PARVB: variants seen among roughly 807,000 people sequenced by gnomAD.
PARVB encodes the protein beta-parvin.
In PARVB, 46 loss-of-function variants were observed where a neutral mutation model predicts 47.0. The observed-to-expected ratio is 0.98, with a 90% CI of 0.77 to 1.25. The LOEUF is 1.25. Ranked by LOEUF, PARVB falls within the 50% of genes most tolerant of loss-of-function variation. The pLI, the probability that PARVB is intolerant of heterozygous loss-of-function variation, is 0.00. For synonymous variants in PARVB, 196 were observed against 196.3 expected (o/e 1.00, Z 0.01); for missense variants, 473 against 471.6 (o/e 1.00, Z -0.03).
At chr22:44,117,293 G>T (rs1033391638) in intron 3 of PARVB, among the ~76,000 whole-genome samples, 1 of 152,040 alleles carries the variant, frequency 6.6e-6, no homozygotes, top group Admixed American at 6.5e-5. Flanking sequence ...ATCATGTAAG[G>T]GTCAGGGGAG....
At chr22:44,108,725 G>A (rs1379629966) in intron 3 of PARVB, 1 of 152,170 alleles carries the variant, frequency 6.6e-6, no homozygotes, top group African/African-American at 2.4e-5. Flanking sequence ...CCTTCTTAAG[G>A]GTGGGGGAGA....
intron 8 of PARVB, chr22:44,141,651 A>G (rs1043172093): frequency 1.3e-5 from 2 of 152,278 alleles, no homozygotes; most frequent in African/African-American, 4.8e-5. Flanking sequence ...TCAAGCTGAC[A>G]GTATTAACCA....
chr22:44,032,978 G>T (rs1038100659), intron 1 of PARVB, among the ~76,000 whole-genome samples: 1 of 152,222 alleles, frequency 6.6e-6, no homozygotes, highest in Admixed American at 6.5e-5. Flanking sequence ...CCGTGCAACA[G>T]CTAGTTGGCT....
chr22:44,114,829 C>T (rs71330727), intron 3 of PARVB: 1 of 136,520 alleles, frequency 7.3e-6, no homozygotes, highest in Non-Finnish European at 1.5e-5. Context: ...TTGTTACTAA[C>T]TAAGGCCCTG....
chr22:44,094,678 A>G (rs192760072), intron 2 of PARVB, among the ~76,000 whole-genome samples: 3 of 151,532 alleles, frequency 2.0e-5, no homozygotes, highest in Admixed American at 6.6e-5. Context: ...ATTTGTAGAG[A>G]TGGGGTCTTG....
At chr22:44,163,254 G>A (rs971996739) in intron 11 of PARVB, among the ~76,000 whole-genome samples, 1 of 152,170 alleles carries the variant, frequency 6.6e-6, no homozygotes, top group African/African-American at 2.4e-5. Context: ...TGGATCATTT[G>A]AGCCCAAGAG....
intron 3 of PARVB, among the ~76,000 whole-genome samples, chr22:44,117,884 G>T (rs912308754): frequency 2.0e-5 from 3 of 152,160 alleles, no homozygotes; most frequent in African/African-American, 7.2e-5. Context: ...CATTGATTGA[G>T]TCCATTTTAT....
intron 11 of PARVB, among the ~76,000 whole-genome samples, chr22:44,160,475 C>T (rs1056965309): frequency 3.3e-5 from 5 of 152,172 alleles, no homozygotes; most frequent in Non-Finnish European, 7.3e-5. Flanking sequence ...GTGGCTGGCT[C>T]GAAGCAGGTG....
chr22:44,073,513 A>C (rs2051700080), intron 1 of PARVB, among the ~76,000 whole-genome samples: 1 of 152,208 alleles, frequency 6.6e-6, no homozygotes, highest in Admixed American at 6.5e-5. Context: ...AAGTGAATGA[A>C]TACGACCATA....
At chr22:44,039,053 A>G (rs1035977219) in intron 1 of PARVB, among the ~76,000 whole-genome samples, 3 of 152,184 alleles carry the variant, frequency 2.0e-5, no homozygotes, top group African/African-American at 7.2e-5. Flanking sequence ...GCACATGAGA[A>G]GAACAGGGAA....
intron 2 of PARVB, among the ~76,000 whole-genome samples, chr22:44,099,384 C>T (rs969056637): frequency 2.6e-5 from 4 of 152,212 alleles, no homozygotes; most frequent in Non-Finnish European, 5.9e-5. Context: ...ACTGTCTCCA[C>T]GGCACTGTCC....
Position 44,049,709 on chromosome 22 carries a change from G to T in PARVB, c.112+25258G>T, listed in dbSNP as rs1016301068. Among the ~76,000 whole-genome samples, 1 of 152,242 alleles carries T rather than the reference G, an allele frequency of 6.6e-6. No homozygotes were observed. The highest frequency in any genetic ancestry group is 2.4e-5 in the African/African-American group (1 of 41,456). ...GCAAGGAACCCTAGGGGCTGCCATAGCCCTGGAGATACTGGCTGGAAATCA... is the reference window on the plus strand; with the variant it reads ...GCAAGGAACCCTAGGGGCTGCCATATCCCTGGAGATACTGGCTGGAAATCA... On this transcript the variant is annotated intron_variant, in intron 1 of 12. Coordinates refer to ENST00000338758, the MANE Select transcript of PARVB (RefSeq NM_013327.5). The surrounding 1 kb of genome is among the most constrained non-coding windows in gnomAD (Gnocchi z 4.0).
At chr22:44,102,682 A>G (rs969056401) in intron 3 of PARVB, 1 of 152,172 alleles carries the variant, frequency 6.6e-6, no homozygotes, top group Non-Finnish European at 1.5e-5. Context: ...TCTACCAAAA[A>G]AAAAAAAATT....
At chr22:44,113,372 C>A (rs1412762453) in intron 3 of PARVB, 265 of 23,050 alleles carry the variant, frequency 0.011, no homozygotes, top group African/African-American at 0.046. Flanking sequence ...TGCACCAACA[C>A]AGATACGTTG....
At chr22:44,163,281 C>T (rs1182872660) in intron 11 of PARVB, among the ~76,000 whole-genome samples, 1 of 152,106 alleles carries the variant, frequency 6.6e-6, no homozygotes, top group African/African-American at 2.4e-5. Context: ...ACTAGCCTGA[C>T]CAACATGGCA....
intron 1 of PARVB, among the ~76,000 whole-genome samples, chr22:44,054,437 A>G (rs1429545058): frequency 6.6e-6 from 1 of 152,076 alleles, no homozygotes; most frequent in Non-Finnish European, 1.5e-5. Context: ...GCTGGTCTCG[A>G]ACTCCTGGGC....
intron 2 of PARVB, among the ~76,000 whole-genome samples, chr22:44,016,996 C>T (rs2050590249): frequency 6.6e-6 from 1 of 152,172 alleles, no homozygotes. Flanking sequence ...CTGCCTCAGC[C>T]TCCCGAGTAG....
At chr22:44,122,418 T>C (rs990288482) in intron 4 of PARVB, among the ~76,000 whole-genome samples, 5 of 150,986 alleles carry the variant, frequency 3.3e-5, no homozygotes, top group Non-Finnish European at 5.9e-5. Flanking sequence ...CCTAGGAAGT[T>C]GAGGCTGCAG....
intron 1 of PARVB, among the ~76,000 whole-genome samples, chr22:44,024,673 C>A (rs934873019): frequency 4.6e-5 from 7 of 152,086 alleles, no homozygotes; most frequent in Non-Finnish European, 8.8e-5. Flanking sequence ...GTCTGCCAAA[C>A]GCGCGTGCGG....
Sources: gnomAD v4.1 joint callset for allele counts (sites outside exome capture counted in the v4.1 genomes callset) on GRCh38, gnomAD v4.1.1 for gene constraint, Gnocchi (gnomAD v3.1) non-coding constraint, MANE v1.5 for transcripts, NCBI Gene and HGNC (gene_info 2026-07-23, HGNC 2026-07-21) for gene names.